The following MANSC1 variants were observed in gnomAD, a reference collection of about 807,000 sequenced individuals.
The protein encoded by MANSC1 is MANSC domain-containing protein 1.
In MANSC1, 13 loss-of-function variants were observed where a neutral mutation model predicts 14.1. That is an observed-to-expected ratio of 0.92 (90% CI 0.60 to 1.46). MANSC1 has a LOEUF of 1.46. Ranked by LOEUF, MANSC1 falls within the 40% of genes most tolerant of loss-of-function variation. The probability of loss-of-function intolerance (pLI) is 0.00; values close to 1 mark genes in which losing one functional copy is unlikely to be tolerated. For missense variants in MANSC1, 486 were observed against 511.4 expected (o/e 0.95, Z 0.48); for synonymous variants, 227 against 200.7 (o/e 1.13, Z -1.11).
At chr12:12,347,421 AG>A (rs1863024041) in intron 1 of MANSC1, among the ~76,000 whole-genome samples, 2 of 152,210 alleles carry the variant, frequency 1.3e-5, no homozygotes, top group Admixed American at 1.3e-4. Context: ...GTAAATACAG[AG>A]GAAGCTTTGC....
rs749773741 is a variant in MANSC1, at chr12:12,338,917, A to ACACACACACACACACACC, written c.224-358_224-357insGGTGTGTGTGTGTGTGTG. The ACACACACACACACACACC allele has an allele frequency of 1.5e-4, 37 of 241,434 alleles. 1 individual carries two copies. The highest frequency in any genetic ancestry group is 5.9e-4 in the South Asian group (11 of 18,692). 15.0% of individuals were successfully genotyped at this position (241,434 alleles called of 1,614,324 possible). On this transcript the variant is annotated intron_variant, in intron 2 of 3. Coordinates refer to ENST00000535902, the MANE Select transcript of MANSC1 (RefSeq NM_018050.4). Reference sequence around the variant, plus strand: ...CACACACACACACACACACACACACACCCCTAAGACCTGCATGTCACTTAC... The same window carrying ACACACACACACACACACC: ...CACACACACACACACACACACACACACACACACACACACACACCCCCCTAAGACCTGCATGTCACTTAC...
In MANSC1 at chr12:12,329,849, G is replaced by A. The variant is rs140514643; in HGVS notation, c.*178C>T. ...CGGTGAGAGCCGAGATCGTGCTACT[G>A]CACTCCAGCCTGGGCAACAAAGCAA... On this transcript the variant is annotated 3_prime_UTR_variant, in exon 4 of 4. Coordinates refer to ENST00000535902, the MANE Select transcript of MANSC1 (RefSeq NM_018050.4). The A allele has an allele frequency of 2.9e-4, 170 of 590,702 alleles. No individual in the cohort carries two copies. The East Asian group carries it at 4.6e-3, about 16-fold the overall frequency. 36.6% of individuals were successfully genotyped at this position (590,702 alleles called of 1,614,324 possible).
At chr12:12,347,988 G>A (rs568347309) in intron 1 of MANSC1, among the ~76,000 whole-genome samples, 12 of 152,198 alleles carry the variant, frequency 7.9e-5, no homozygotes, top group Non-Finnish European at 1.0e-4. Flanking sequence ...GCTTGAACCC[G>A]GGACGTGGAG....
At chr12:12,345,762 G>A (rs1375573620) in intron 1 of MANSC1, among the ~76,000 whole-genome samples, 1 of 152,162 alleles carries the variant, frequency 6.6e-6, no homozygotes, top group Non-Finnish European at 1.5e-5. Flanking sequence ...CCCTTTGATA[G>A]TCTGAGGAAG....
At chr12:12,343,511 A>G in intron 1 of MANSC1, 97 bp from the exon 2 acceptor site, 1 of 543,274 alleles carries the variant, frequency 1.8e-6, no homozygotes, top group Non-Finnish European at 3.3e-6. Context: ...AAGGATCCAC[A>G]TACAATTTAG....
rs140237588 is a variant in MANSC1 at position 12,341,538 on chromosome 12, G to A, written c.223+1554C>T. ...ACAAACTCAAGTATAGTTGAAAGGG[G>A]CTGGTTATGAATAACCAAAGACATG... On this transcript the variant is annotated intron_variant, in intron 2 of 3. Transcript: ENST00000535902. 2.6e-5 allele frequency among the ~76,000 whole-genome samples: 4 copies of A among 152,240 alleles called. No homozygotes were observed. In the East Asian group the frequency reaches 7.7e-4, roughly 29 times the overall value.
In MANSC1 at chr12:12,336,687, C is replaced by T. The variant is rs1040739196; in HGVS notation, c.364+1733G>A. The stretch of plus-strand genomic sequence containing the variant: ...GACTACAAGCTCATGCCACCATGCC[C>T]GGCTAATTTTTTTAATTTTTTGTGG... On this transcript the variant is annotated intron_variant, in intron 3 of 3. Coordinates refer to ENST00000535902, the MANE Select transcript of MANSC1 (RefSeq NM_018050.4). Among the ~76,000 whole-genome samples the T allele has an allele frequency of 5.3e-5, 8 of 152,122 alleles. No individual in the cohort carries two copies. The South Asian group carries it at 8.3e-4, about 16-fold the overall frequency.
At chr12:12,334,949 AT>A (rs1294808089) in intron 3 of MANSC1, among the ~76,000 whole-genome samples, 10 of 152,088 alleles carry the variant, frequency 6.6e-5, no homozygotes, top group Non-Finnish European at 1.5e-4. Context: ...GGGCAGTATC[AT>A]TCCCCGAAGC....
At position 12,327,498 on chromosome 12, in the gene MANSC1, C is replaced by T. The variant is rs879208813; in HGVS notation, c.*2529G>A. 6.6e-6 allele frequency: 1 copy of T among 152,260 alleles called. No homozygotes were observed. The highest frequency in any genetic ancestry group is 6.5e-5 in the Admixed American group (1 of 15,280). The allele number at this position is 152,260 out of a possible 1,614,324, so 9.4% of individuals were successfully genotyped here. A position where few individuals can be genotyped will look rare whatever the true frequency, so the allele number is the denominator to read the frequency against. On this transcript the variant is annotated 3_prime_UTR_variant, in exon 4 of 4. Coordinates refer to ENST00000535902, the MANE Select transcript of MANSC1 (RefSeq NM_018050.4). ...GACCGCTCCCATGTGGTCTCCCCAT[C>T]ACAACAAAGACTGCAGCAAGGTGGA...
At chr12:12,348,841 G>C (rs1863041591) in intron 1 of MANSC1, among the ~76,000 whole-genome samples, 1 of 151,736 alleles carries the variant, frequency 6.6e-6, no homozygotes, top group Non-Finnish European at 1.5e-5. Context: ...CGTCTAAAAT[G>C]CCAGTTTCTA....
chr12:12,342,603 T>G (rs1055234243), intron 2 of MANSC1, among the ~76,000 whole-genome samples: 11 of 136,344 alleles, frequency 8.1e-5, no homozygotes, highest in East Asian at 6.7e-4. Flanking sequence ...TTTTTTTTTT[T>G]TTTTTGACTT....
At chr12:12,336,881 G>A (rs1862865067) in intron 3 of MANSC1, among the ~76,000 whole-genome samples, 1 of 152,142 alleles carries the variant, frequency 6.6e-6, no homozygotes, top group South Asian at 2.1e-4. Flanking sequence ...TTGGCACATA[G>A]GAGATGCTAA....
chr12:12,341,304 A>T (rs912877908), intron 2 of MANSC1, among the ~76,000 whole-genome samples: 1 of 152,238 alleles, frequency 6.6e-6, no homozygotes, highest in African/African-American at 2.4e-5. Context: ...AGAGGCTCCT[A>T]GAGTCCCAAG....
In MANSC1 at chr12:12,330,014, C is replaced by T. The variant is rs564944242; in HGVS notation, c.*13G>A. The T allele has an allele frequency of 1.2e-5, 19 of 1,605,416 alleles. No individual in the cohort carries two copies. In the South Asian group the frequency reaches 2.0e-4, roughly 17 times the overall value. ...TGGTTACTAAATGAATTAAGAGACA[C>T]CGAGTTCCATCCTTAGATGTCCACA... On this transcript the variant is annotated 3_prime_UTR_variant, in exon 4 of 4. Transcript: ENST00000535902.
At chr12:12,344,497 G>T (rs892127782) in intron 1 of MANSC1, among the ~76,000 whole-genome samples, 4 of 149,568 alleles carry the variant, frequency 2.7e-5, no homozygotes, top group Non-Finnish European at 5.9e-5. Flanking sequence ...TTTTGAGACA[G>T]AGTATTGCTG....
intron 2 of MANSC1, 55 bp downstream of exon 2, chr12:12,343,037 C>G (rs1331806971): frequency 1.6e-6 from 2 of 1,261,108 alleles, no homozygotes; most frequent in African/African-American, 2.9e-5. Flanking sequence ...CATCCCCCAG[C>G]TCCTGAAGCC....
At chr12:12,345,078 G>C (rs2135997993) in intron 1 of MANSC1, among the ~76,000 whole-genome samples, 1 of 149,022 alleles carries the variant, frequency 6.7e-6, no homozygotes. Flanking sequence ...CACTTTGGGA[G>C]GTCAAGTCAC....
Position 12,350,178 on chromosome 12 carries a change from G to C in MANSC1, c.-201C>G, listed in dbSNP as rs1288286411. 1 of 152,268 alleles carries C rather than the reference G, an allele frequency of 6.6e-6. No homozygotes were observed. The highest frequency in any genetic ancestry group is 1.5e-5 in the Non-Finnish European group (1 of 68,066). The allele number at this position is 152,268 out of a possible 1,614,324, so 9.4% of individuals were successfully genotyped here. On this transcript the variant is annotated 5_prime_UTR_variant, in exon 1 of 4. Coordinates refer to ENST00000535902, the MANE Select transcript of MANSC1 (RefSeq NM_018050.4). Reference sequence around the variant, plus strand: ...CCGGCGAATCCGCGCGGGGGTCTCGGCGAGGACCGCAGCGGATGCTCCGCA... The same window carrying C: ...CCGGCGAATCCGCGCGGGGGTCTCGCCGAGGACCGCAGCGGATGCTCCGCA...
At chr12:12,334,792 T>A (rs1251956852) in intron 3 of MANSC1, among the ~76,000 whole-genome samples, 2 of 152,160 alleles carry the variant, frequency 1.3e-5, no homozygotes, top group Non-Finnish European at 2.9e-5. Flanking sequence ...TATCATCGTA[T>A]CCTAACAACA....
Sources: gnomAD v4.1 joint callset for allele counts (sites outside exome capture counted in the v4.1 genomes callset) on GRCh38, gnomAD v4.1.1 for gene constraint, MANE v1.5 for transcripts, NCBI Gene and HGNC (gene_info 2026-07-23, HGNC 2026-07-21) for gene names.